Variants in GALNT2 observed in about 807,000 individuals in gnomAD.
GALNT2 encodes the protein UDP-GalNAc:polypeptide N-acetylgalactosaminyltransferase 2.
In GALNT2, 31 loss-of-function variants were observed where a neutral mutation model predicts 81.4. The observed-to-expected ratio is 0.38, with a 90% confidence interval of 0.29 to 0.51. The LOEUF (loss-of-function observed/expected upper bound fraction) is 0.51. GALNT2 is among the 20% of genes least tolerant of loss of function. The pLI is 0.87. For synonymous variants in GALNT2, 303 were observed against 287.4 expected (o/e 1.05, Z -0.55); for missense variants, 629 against 765.7 (o/e 0.82, Z 2.11).
At chr1:230,189,013 G>A (rs1445303628) in intron 2 of GALNT2, among the ~76,000 whole-genome samples, 3 of 152,096 alleles carry the variant, frequency 2.0e-5, no homozygotes, top group Admixed American at 6.6e-5. Flanking sequence ...AGAGGAGTGG[G>A]GCCGGAAGAG....
intron 3 of GALNT2, among the ~76,000 whole-genome samples, chr1:230,208,550 A>G (rs1664136540): frequency 6.6e-6 from 1 of 152,328 alleles, no homozygotes; most frequent in East Asian, 1.9e-4. Flanking sequence ...TATGGATGGT[A>G]TTTAAAACCG....
chr1:230,204,849 C>A (rs540768330), intron 3 of GALNT2, among the ~76,000 whole-genome samples: 2 of 152,182 alleles, frequency 1.3e-5, no homozygotes, highest in African/African-American at 4.8e-5. Flanking sequence ...TAGCATTTCA[C>A]CCAGAAAAAT....
upstream of GALNT2, among the ~76,000 whole-genome samples, chr1:230,064,352 AG>A (rs1659115904): frequency 1.3e-5 from 2 of 152,338 alleles, no homozygotes; most frequent in East Asian, 3.9e-4. Context: ...GCTCTCCATT[AG>A]TCACTCTGCT....
chr1:230,111,980 A>G (rs958092701), intron 1 of GALNT2, among the ~76,000 whole-genome samples: 1 of 151,528 alleles, frequency 6.6e-6, no homozygotes, highest in African/African-American at 2.4e-5. Flanking sequence ...AAAGCAGCCT[A>G]CTGTGCAGGC....
chr1:230,246,074 G>T lies in GALNT2; in HGVS notation c.741G>T (p.Arg247=), dbSNP rs1262190364. The change falls in exon 8 of 16, where the codon CGG becomes CGT. Residue 247 remains arginine, a synonymous_variant. Coordinates refer to ENST00000366672, the MANE Select transcript of GALNT2 (RefSeq NM_004481.5). ...LLERVAEDRT[R]VVSPIIDVIN... ...TCTTTGTATTTTAGGACAGGACTCG[G>T]GTTGTGTCACCCATCATCGATGTCA... 1 of 1,613,828 alleles carries T rather than the reference G, an allele frequency of 6.2e-7. No individual in the cohort carries two copies. Among genetic ancestry groups the T allele is most frequent in the Admixed American group, 1.7e-5 (1 of 60,020 alleles).
At chr1:230,229,361 G>A (rs1402445947) in intron 3 of GALNT2, among the ~76,000 whole-genome samples, 3 of 152,168 alleles carry the variant, frequency 2.0e-5, no homozygotes, top group Non-Finnish European at 4.4e-5. Context: ...CTAGTAATCA[G>A]GTACATGAAA....
chr1:230,255,076 A>T (rs1665666067), intron 10 of GALNT2, 142 bp from the exon 11 acceptor site: 1 of 1,177,542 alleles, frequency 8.5e-7, no homozygotes, highest in South Asian at 1.4e-5. Context: ...GAAGGTCCTT[A>T]TCAGATCTCC....
At chr1:230,131,754 G>A (rs1180174686) in intron 1 of GALNT2, among the ~76,000 whole-genome samples, 1 of 152,218 alleles carries the variant, frequency 6.6e-6, no homozygotes, top group Non-Finnish European at 1.5e-5. Context: ...AGGCCGAAGA[G>A]TGAGGGTCGT....
chr1:230,183,107 C>G (rs568909615), intron 2 of GALNT2, among the ~76,000 whole-genome samples: 1 of 152,258 alleles, frequency 6.6e-6, no homozygotes, highest in African/African-American at 2.4e-5. Context: ...CATGATAGAT[C>G]TAACTTTTCT....
At chr1:230,132,075 C>G (rs1558099739) in intron 1 of GALNT2, among the ~76,000 whole-genome samples, 1 of 151,950 alleles carries the variant, frequency 6.6e-6, no homozygotes, top group Admixed American at 6.6e-5. Context: ...TGCCTTTTTC[C>G]TCTTCTTCTT....
chr1:230,201,085 G>A (rs1173550706), intron 2 of GALNT2, among the ~76,000 whole-genome samples: 2 of 152,190 alleles, frequency 1.3e-5, no homozygotes, highest in African/African-American at 4.8e-5. Context: ...ATATGAGGGT[G>A]AAGGCAGGAA....
intron 8 of GALNT2, among the ~76,000 whole-genome samples, chr1:230,248,763 T>C (rs1332173858): frequency 6.6e-6 from 1 of 152,170 alleles, no homozygotes; most frequent in African/African-American, 2.4e-5. Flanking sequence ...CTCCCCAGCA[T>C]TGCCTTCCCC....
At chr1:230,207,902 C>G (rs578171494) in intron 3 of GALNT2, among the ~76,000 whole-genome samples, 85 of 148,152 alleles carry the variant, frequency 5.7e-4, no homozygotes, top group African/African-American at 2.0e-3. Flanking sequence ...TTGAAAGCAC[C>G]ATTTCTTTTC....
At chr1:230,082,808 C>G (rs1253741181) in intron 1 of GALNT2, among the ~76,000 whole-genome samples, 1 of 152,018 alleles carries the variant, frequency 6.6e-6, no homozygotes, top group Non-Finnish European at 1.5e-5. Context: ...AATAGGGGAT[C>G]CAGGATGATA....
At chr1:230,150,616 T>C (rs570292310) in intron 1 of GALNT2, among the ~76,000 whole-genome samples, 2 of 152,334 alleles carry the variant, frequency 1.3e-5, no homozygotes, top group South Asian at 4.1e-4. Flanking sequence ...ATTTTTGTTT[T>C]GTTTGTTTGT....
At chr1:230,074,098 C>CTT (rs11360495) in intron 1 of GALNT2, among the ~76,000 whole-genome samples, 3 of 144,816 alleles carry the variant, frequency 2.1e-5, no homozygotes, top group South Asian at 2.2e-4. Flanking sequence ...TTTTGGCTGG[C>CTT]TTTTTTTTTT....
chr1:230,090,028 C>T (rs974032486), intron 1 of GALNT2, among the ~76,000 whole-genome samples: 1 of 152,178 alleles, frequency 6.6e-6, no homozygotes, highest in Admixed American at 6.5e-5. Flanking sequence ...ACAAGGGTTC[C>T]AGTTTCTCCA....
At chr1:230,071,156 C>T (rs1162194861) in intron 1 of GALNT2, among the ~76,000 whole-genome samples, 2 of 152,220 alleles carry the variant, frequency 1.3e-5, no homozygotes, top group Admixed American at 1.3e-4. Flanking sequence ...ATCTTAAGTT[C>T]ACGGTATTCC....
chr1:230,108,313 G>A (rs1245200984), intron 1 of GALNT2, among the ~76,000 whole-genome samples: 34 of 152,278 alleles, frequency 2.2e-4, no homozygotes, highest in Admixed American at 1.3e-3. Context: ...GGATGGTTTC[G>A]CTTACACTTT....
Sources: gnomAD v4.1 joint callset for allele counts (sites outside exome capture counted in the v4.1 genomes callset) on GRCh38, gnomAD v4.1.1 for gene constraint, MANE v1.5 for transcripts, NCBI Gene and HGNC (gene_info 2026-07-23, HGNC 2026-07-21) for gene names.